POLR1A: variants seen among roughly 807,000 people sequenced by gnomAD.
POLR1A encodes the protein RNA polymerase I subunit A, also known as DNA-directed RNA polymerase I subunit RPA1.
In POLR1A, 84 loss-of-function variants were observed where a neutral mutation model predicts 205.3. The observed-to-expected ratio is 0.41, with a 90% CI of 0.34 to 0.49. The LOEUF (loss-of-function observed/expected upper bound fraction) is 0.49, where lower values mean the gene tolerates loss of function less well. Among genes scored for constraint, POLR1A ranks in the 20% least tolerant of loss-of-function variants. POLR1A has a pLI of 0.22. For missense variants in POLR1A, 1,645 were observed against 2,204.5 expected (o/e 0.75, Z 5.08); for synonymous variants, 799 against 863.7 (o/e 0.93, Z 1.31).
chr2:86,098,791 ATTAGAAAGAGAC>A, intron 2 of POLR1A, 31 bp from the exon 3 acceptor site: 1 of 1,610,796 alleles, frequency 6.2e-7, no homozygotes, highest in Non-Finnish European at 8.5e-7. Context: ...CAAACAGGAT[ATTAGAAAGAGAC>A]ACAGTAGCCA....
intron 1 of POLR1A, among the ~76,000 whole-genome samples, chr2:86,101,681 A>G (rs1017740858): frequency 1.3e-5 from 2 of 152,230 alleles, no homozygotes; most frequent in African/African-American, 4.8e-5. Context: ...AACTGTTTCA[A>G]TTAGTACAGT....
chr2:86,049,054 A>G lies in POLR1A; in HGVS notation c.2476-12T>C. 4 of 1,614,214 alleles carry G rather than the reference A, an allele frequency of 2.5e-6. No homozygotes were observed. Among genetic ancestry groups the G allele is most frequent in the Non-Finnish European group, 2.5e-6 (3 of 1,180,018 alleles). On this transcript the variant is annotated splice_polypyrimidine_tract_variant and intron_variant, in intron 17 of 33. Transcript: ENST00000263857. ...GCAGCCCTGACAGCCTAGAATGAGA[A>G]CAGAAACACAGCGGAGGCTGAGGCC...
At chr2:86,046,116 TC>T (rs1363678425) in intron 19 of POLR1A, among the ~76,000 whole-genome samples, 1 of 152,100 alleles carries the variant, frequency 6.6e-6, no homozygotes, top group Non-Finnish European at 1.5e-5. Context: ...TTTATTGCGA[TC>T]CTCACATTCT....
intron 13 of POLR1A, 142 bp from the exon 14 acceptor site, chr2:86,065,607 G>A: frequency 1.5e-6 from 1 of 684,302 alleles, no homozygotes; most frequent in South Asian, 1.9e-5. Flanking sequence ...TCCTCACTAT[G>A]TTCTTGCTTG....
chr2:86,033,003 A>G (rs1672423434), intron 28 of POLR1A, among the ~76,000 whole-genome samples: 1 of 152,136 alleles, frequency 6.6e-6, no homozygotes, highest in South Asian at 2.1e-4. Context: ...GGGTGACACA[A>G]CTGAGACCAC....
At chr2:86,083,961 C>G (rs1042582226) in intron 6 of POLR1A, among the ~76,000 whole-genome samples, 4 of 152,042 alleles carry the variant, frequency 2.6e-5, no homozygotes, top group Admixed American at 6.6e-5. Flanking sequence ...AGGGACCAGG[C>G]ATTTAAGATG....
intron 5 of POLR1A, 21 bp downstream of exon 5, chr2:86,088,764 C>T (rs781361990): frequency 1.2e-4 from 190 of 1,607,276 alleles, no homozygotes; most frequent in South Asian, 2.2e-4. Context: ...TCTCACCTGG[C>T]GCAAGGGCCC....
intron 13 of POLR1A, among the ~76,000 whole-genome samples, chr2:86,067,765 A>T (rs1051249171): frequency 6.6e-6 from 1 of 152,338 alleles, no homozygotes; most frequent in Non-Finnish European, 1.5e-5. Context: ...TCTGCCAATA[A>T]AGACATGTTG....
At chr2:86,027,851 G>A (rs1672297367) in intron 33 of POLR1A, 34 bp downstream of exon 33, 2 of 1,611,964 alleles carry the variant, frequency 1.2e-6, no homozygotes, top group Non-Finnish European at 1.7e-6. Flanking sequence ...GTCGTCAGTA[G>A]AGGGGAGGCC....
Position 86,023,134 on chromosome 2 carries a change from T to C in POLR1A, c.*4289A>G, listed in dbSNP as rs973548501. 15 of 152,006 alleles carry C rather than the reference T, an allele frequency of 9.9e-5. No individual in the cohort carries two copies. The highest frequency in any genetic ancestry group is 3.1e-4 in the African/African-American group (13 of 41,368). 9.4% of individuals were successfully genotyped at this position (152,006 alleles called of 1,614,324 possible). A position where few individuals can be genotyped will look rare whatever the true frequency, so the allele number is the denominator to read the frequency against. The stretch of plus-strand genomic sequence containing the variant: ...ACTTTGGACGGAAGTGGGGTGGAGG[T>C]TGATGGTGTAGGAACTTTGGAATTT... On this transcript the variant is annotated 3_prime_UTR_variant, in exon 34 of 34. Transcript: ENST00000263857.
At chr2:86,052,789 G>A (rs1222820199) in intron 16 of POLR1A, 28 bp downstream of exon 16, 3 of 1,476,132 alleles carry the variant, frequency 2.0e-6, no homozygotes, top group African/African-American at 1.4e-5. Context: ...ACGGGTCACT[G>A]CCCCAGGGCA....
intron 30 of POLR1A, among the ~76,000 whole-genome samples, chr2:86,031,096 G>A (rs750606292): frequency 1.3e-5 from 2 of 152,176 alleles, no homozygotes; most frequent in African/African-American, 2.4e-5. Flanking sequence ...CCCTTTTTCG[G>A]GGCAGAGGGT....
chr2:86,058,166 T>A (rs1355357875), intron 14 of POLR1A, among the ~76,000 whole-genome samples: 1 of 152,346 alleles, frequency 6.6e-6, no homozygotes, highest in African/African-American at 2.4e-5. Context: ...AATGGCACGA[T>A]CTTGGCTCAC....
chr2:86,053,966 T>G (rs1672852018), intron 15 of POLR1A, among the ~76,000 whole-genome samples, 174 bp downstream of exon 15: 1 of 152,164 alleles, frequency 6.6e-6, no homozygotes, highest in South Asian at 2.1e-4. Context: ...ATGCTGGAGA[T>G]CAACCCTGAA....
At chr2:86,044,413 G>T (rs886435486) in intron 21 of POLR1A, 109 bp from the exon 22 acceptor site, 3 of 1,193,456 alleles carry the variant, frequency 2.5e-6, no homozygotes, top group African/African-American at 3.0e-5. Context: ...CTCCTGTTCT[G>T]CAGGCAAACA....
chr2:86,043,086 G>A lies in POLR1A; in HGVS notation c.3245C>T (p.Thr1082Ile), dbSNP rs2104390566. ...CAAGAAGGCGCCTCTTCTCAGCAGG[G>A]TGTTGGGGTGCTTGCTTTGCCATTT... ...IKKWQSKHPNTLLRRGAFLSY... is the reference protein window; with the variant it reads ...IKKWQSKHPNILLRRGAFLSY... Residue 1082 changes from threonine to isoleucine, a missense_variant, in exon 23 of 34, where the codon ACC becomes ATC. Physicochemically the swap from Thr to Ile is moderately conservative, Grantham distance 89. This residue lies in a region of POLR1A where 201 missense variants were observed against 222.3 expected (regional missense o/e 0.90). Coordinates refer to ENST00000263857, the MANE Select transcript of POLR1A (RefSeq NM_015425.6). The A allele has an allele frequency of 6.2e-7, 1 of 1,614,144 alleles. No homozygotes were observed. The highest frequency in any genetic ancestry group is 2.2e-5 in the East Asian group (1 of 44,888).
intron 27 of POLR1A, chr2:86,037,039 C>T (rs1402627786): frequency 6.6e-6 from 1 of 152,318 alleles, no homozygotes; most frequent in African/African-American, 2.4e-5. Context: ...ACTCCGTCCA[C>T]CCTTAGTTAT....
chr2:86,078,432 G>A (rs1673336581), intron 9 of POLR1A, 148 bp from the exon 10 acceptor site: 2 of 593,832 alleles, frequency 3.4e-6, no homozygotes, highest in South Asian at 2.4e-5. Flanking sequence ...AGACAAACAT[G>A]CTAATAAATC....
Position 86,075,100 on chromosome 2 carries a change from T to C in POLR1A, c.1541A>G (p.Gln514Arg), listed in dbSNP as rs773824336. ...AAGCTGCTTGGCCACGGCCTCTCGC[T>C]GGGTCATGTCCACAGCGCTCAGGGC... ...RTALSAVDMT[Q>R]REAVAKQLLT... is the part of the protein sequence containing the mutation. The change falls in exon 12 of 34, where the codon CAG (glutamine) becomes CGG (arginine). Residue 514 changes from glutamine (Q) to arginine (R), a missense_variant. Gln to Arg is a conservative substitution (Grantham distance 43). Transcript: ENST00000263857. The C allele has an allele frequency of 4.3e-5, 69 of 1,613,048 alleles. No homozygotes were observed. Among genetic ancestry groups the C allele is most frequent in the Non-Finnish European group, 5.8e-5 (68 of 1,179,952 alleles).
Sources: allele counts gnomAD v4.1 joint callset (sites outside exome capture counted in the v4.1 genomes callset), GRCh38; gene constraint gnomAD v4.1.1; regional missense constraint gnomAD v4.1.1; transcripts MANE v1.5; gene names NCBI Gene and HGNC (gene_info 2026-07-23, HGNC 2026-07-21).